The following PDE1C variants were observed in gnomAD, a reference collection of about 807,000 sequenced individuals.
The protein encoded by PDE1C is phosphodiesterase 1C.
A neutral mutation model predicts 93.1 loss-of-function variants in PDE1C; 62 were observed. That is an observed-to-expected ratio of 0.67 (90% CI 0.54 to 0.82). The LOEUF (loss-of-function observed/expected upper bound fraction) is 0.82. Among genes scored for constraint, PDE1C ranks in the 40% least tolerant of loss-of-function variants. The pLI is 0.00. For missense variants in PDE1C, 742 were observed against 884.6 expected (o/e 0.84, Z 2.04); for synonymous variants, 325 against 310.1 (o/e 1.05, Z -0.50).
At chr7:31,771,405 T>C (rs749449701) in intron 17 of PDE1C, among the ~76,000 whole-genome samples, 5 of 152,222 alleles carry the variant, frequency 3.3e-5, no homozygotes, top group Admixed American at 2.0e-4. Flanking sequence ...TTGTCTTTTA[T>C]AGTAGCCATC....
At chr7:31,927,367 G>A (rs895131249) in intron 2 of PDE1C, among the ~76,000 whole-genome samples, 2 of 152,102 alleles carry the variant, frequency 1.3e-5, no homozygotes, top group Admixed American at 6.5e-5. Flanking sequence ...TTGTGGGTGC[G>A]GCTTTTAGTG....
intron 1 of PDE1C, among the ~76,000 whole-genome samples, chr7:32,306,250 G>C (rs879912256): frequency 6.6e-6 from 1 of 152,022 alleles, no homozygotes; most frequent in Non-Finnish European, 1.5e-5. Context: ...GCATGAAAAC[G>C]GGCTAATACC....
rs555960418 is a variant in PDE1C at position 32,110,455 on chromosome 7, G to T, written c.308+59330C>A. Among the ~76,000 whole-genome samples, 3 of 152,250 alleles carry T rather than the reference G, an allele frequency of 2.0e-5. No homozygotes were observed. In the South Asian group the frequency reaches 6.2e-4, roughly 32 times the overall value. ...CTCCCATGACACGTGGAAGTTGTGG[G>T]AGTTACAATTCAAGATGAAACTAGG... On this transcript the variant is annotated intron_variant, in intron 3 of 18. Transcript: ENST00000396193.
chr7:32,010,881 T>A (rs1302707112), intron 2 of PDE1C, among the ~76,000 whole-genome samples: 2 of 152,184 alleles, frequency 1.3e-5, no homozygotes, highest in African/African-American at 2.4e-5. Flanking sequence ...TTCATTTTAA[T>A]TTGGTTACCT....
At chr7:32,008,611 T>C (rs1174344787) in intron 2 of PDE1C, among the ~76,000 whole-genome samples, 1 of 152,156 alleles carries the variant, frequency 6.6e-6, no homozygotes, top group African/African-American at 2.4e-5. Context: ...CTCCAGTCAA[T>C]ATGTCACACA....
chr7:32,233,041 A>G (rs1301875710), intron 1 of PDE1C, among the ~76,000 whole-genome samples: 1 of 152,238 alleles, frequency 6.6e-6, no homozygotes, highest in African/African-American at 2.4e-5. Context: ...CTTAACATGC[A>G]TGGGAAAAGG....
chr7:32,109,847 T>C (rs919147419), intron 3 of PDE1C, among the ~76,000 whole-genome samples: 8 of 152,246 alleles, frequency 5.3e-5, no homozygotes, highest in Admixed American at 2.0e-4. Context: ...GGCATAAGCA[T>C]AGGTTTTCTG....
the PDE1C span, chr7:31,653,434 T>C: frequency 6.5e-6 from 1 of 153,288 alleles, no homozygotes; most frequent in Non-Finnish European, 1.5e-5. Context: ...GAGGAAGCAA[T>C]CAGATATGCA....
chr7:32,032,742 C>G (rs1790505978), intron 2 of PDE1C, among the ~76,000 whole-genome samples: 1 of 152,104 alleles, frequency 6.6e-6, no homozygotes. Flanking sequence ...GAGCCTCCCT[C>G]CCCAAAGAAT....
intron 3 of PDE1C, among the ~76,000 whole-genome samples, chr7:32,138,530 G>A (rs541063171): frequency 3.9e-5 from 6 of 152,180 alleles, no homozygotes; most frequent in African/African-American, 1.2e-4. Flanking sequence ...TCATCTGGCC[G>A]TAATGAAGGT....
the PDE1C span, among the ~76,000 whole-genome samples, chr7:31,620,555 T>A: frequency 6.6e-6 from 1 of 151,468 alleles, no homozygotes; most frequent in Non-Finnish European, 1.5e-5. Flanking sequence ...GGGTCCTGTC[T>A]GTTAGAAGGA....
At chr7:31,873,181 G>T in intron 6 of PDE1C, 111 bp downstream of exon 6, 1 of 658,990 alleles carries the variant, frequency 1.5e-6, no homozygotes, top group South Asian at 2.0e-5. Flanking sequence ...TTCCTCAGTC[G>T]CCTGGAGCAG....
At chr7:31,848,683 CA>C (rs1792934276) in intron 8 of PDE1C, among the ~76,000 whole-genome samples, 2 of 152,258 alleles carry the variant, frequency 1.3e-5, no homozygotes, top group Admixed American at 1.3e-4. Flanking sequence ...TCACTAAACA[CA>C]CGACTGTATA....
chr7:31,810,350 C>T (rs1007918172), intron 15 of PDE1C, among the ~76,000 whole-genome samples: 4 of 152,088 alleles, frequency 2.6e-5, no homozygotes, highest in African/African-American at 9.7e-5. Flanking sequence ...TTGGAGTGAG[C>T]TGGGCCTCCA....
chr7:31,769,651 T>C (rs1384456082), intron 17 of PDE1C, among the ~76,000 whole-genome samples: 1 of 152,236 alleles, frequency 6.6e-6, no homozygotes, highest in Non-Finnish European at 1.5e-5. Context: ...GTATATATTT[T>C]GAGGGTTTTT....
At chr7:32,413,556 C>T (rs1202952119) in intron 1 of PDE1C, among the ~76,000 whole-genome samples, 6 of 151,986 alleles carry the variant, frequency 3.9e-5, no homozygotes, top group Non-Finnish European at 8.8e-5. Flanking sequence ...ATGGTGGTTG[C>T]CAGGGACTTC....
At chr7:32,144,066 G>A (rs1800684763) in intron 3 of PDE1C, among the ~76,000 whole-genome samples, 2 of 152,074 alleles carry the variant, frequency 1.3e-5, no homozygotes, top group South Asian at 4.2e-4. Flanking sequence ...AAGCATAAAG[G>A]GCTTGCCATG....
At chr7:31,790,227 A>T (rs779575509) in intron 16 of PDE1C, 1 of 1,612,710 alleles carries the variant, frequency 6.2e-7, no homozygotes, top group East Asian at 2.2e-5. Flanking sequence ...AGCCTCTTTT[A>T]TTGTCTATGA....
the PDE1C span, among the ~76,000 whole-genome samples, chr7:31,718,952 G>A: frequency 6.6e-6 from 1 of 152,138 alleles, no homozygotes; most frequent in Non-Finnish European, 1.5e-5. Flanking sequence ...TTAATACCAA[G>A]CAGACCCTCA....
Sources: gnomAD v4.1 joint callset for allele counts (sites outside exome capture counted in the v4.1 genomes callset) on GRCh38, gnomAD v4.1.1 for gene constraint, MANE v1.5 for transcripts, NCBI Gene and HGNC (gene_info 2026-07-23, HGNC 2026-07-21) for gene names.